Variants in GALNT7 observed in about 807,000 individuals in gnomAD.
The protein encoded by GALNT7 is N-acetylgalactosaminyltransferase 7.
GALNT7 carries 60 observed loss-of-function variants against 82.1 expected under a neutral mutation model. The observed-to-expected ratio is 0.73, with a 90% CI of 0.59 to 0.91. The LOEUF (loss-of-function observed/expected upper bound fraction) is 0.91. Ranked by LOEUF, GALNT7 falls within the 40% of genes least tolerant of loss-of-function variation. The probability of loss-of-function intolerance (pLI) is 0.00; values close to 1 mark genes in which losing one functional copy is unlikely to be tolerated. For synonymous variants in GALNT7, 243 were observed against 275.1 expected (o/e 0.88, Z 1.15); for missense variants, 660 against 804.2 (o/e 0.82, Z 2.17).
At chr4:173,291,335 C>T (rs1195273851) in intron 2 of GALNT7, among the ~76,000 whole-genome samples, 1 of 152,200 alleles carries the variant, frequency 6.6e-6, no homozygotes, top group Non-Finnish European at 1.5e-5. Context: ...CATCTTCCTA[C>T]AAGATCTGCT....
intron 6 of GALNT7, among the ~76,000 whole-genome samples, chr4:173,299,138 G>A (rs1736824003): frequency 6.6e-6 from 1 of 152,128 alleles, no homozygotes; most frequent in Middle Eastern, 3.2e-3. Flanking sequence ...TACACTGCTG[G>A]TGATGTTAGA....
chr4:173,181,828 A>C (rs1265885690), intron 1 of GALNT7, among the ~76,000 whole-genome samples: 1 of 152,198 alleles, frequency 6.6e-6, no homozygotes, highest in African/African-American at 2.4e-5. Context: ...CCAGTGTCCT[A>C]TTTGAAAATC....
At chr4:173,311,305 T>C (rs138207291) in intron 8 of GALNT7, among the ~76,000 whole-genome samples, 1 of 152,224 alleles carries the variant, frequency 6.6e-6, no homozygotes, top group Non-Finnish European at 1.5e-5. Context: ...CTAGAGTACA[T>C]GTACTGTGTC....
intron 1 of GALNT7, among the ~76,000 whole-genome samples, chr4:173,212,268 T>G (rs1733304242): frequency 6.6e-6 from 1 of 152,212 alleles, no homozygotes; most frequent in African/African-American, 2.4e-5. Flanking sequence ...CAATTAAATA[T>G]TTTCATAGTT....
intron 2 of GALNT7, among the ~76,000 whole-genome samples, chr4:173,280,599 CAA>C (rs1470724036): frequency 3.3e-5 from 5 of 152,268 alleles, no homozygotes; most frequent in African/African-American, 1.2e-4. Flanking sequence ...AGCAGTTCTA[CAA>C]TGTAGCTGAA....
chr4:173,184,621 A>C lies in GALNT7; in HGVS notation c.126+15660A>C, dbSNP rs190196736. On this transcript the variant is annotated intron_variant, in intron 1 of 11. Coordinates refer to ENST00000265000, the MANE Select transcript of GALNT7 (RefSeq NM_017423.3). The stretch of plus-strand genomic sequence containing the variant: ...GCTCGGCATCAGAGGGAGACCAGGG[A>C]GAGGGAGAGGGAGGGGGAGGGGGAG... Among the ~76,000 whole-genome samples the C allele has an allele frequency of 8.1e-3, 756 of 93,644 alleles. 13 individuals carry two copies. Among genetic ancestry groups the C allele is most frequent in the African/African-American group, 0.03 (715 of 24,016 alleles). The allele number at this position is 93,644 out of a possible 152,430, so 61.4% of individuals were successfully genotyped here. A position where few individuals can be genotyped will look rare whatever the true frequency, so the allele number is the denominator to read the frequency against.
intron 1 of GALNT7, among the ~76,000 whole-genome samples, chr4:173,171,878 A>G (rs1731887010): frequency 6.6e-6 from 1 of 152,214 alleles, no homozygotes; most frequent in Non-Finnish European, 1.5e-5. Context: ...AAATTGTGCT[A>G]CTGCTTTCAT....
chr4:173,179,208 A>T (rs150034515), intron 1 of GALNT7, among the ~76,000 whole-genome samples: 49 of 152,368 alleles, frequency 3.2e-4, no homozygotes, highest in African/African-American at 9.4e-4. Context: ...ATGTAAGTAT[A>T]TCTTAAATAG....
intron 1 of GALNT7, among the ~76,000 whole-genome samples, chr4:173,243,030 G>T (rs148658460): frequency 1.7e-4 from 26 of 152,254 alleles, no homozygotes; most frequent in African/African-American, 6.0e-4. Flanking sequence ...TCAAGCAGTG[G>T]CCCTTTCCTA....
intron 1 of GALNT7, among the ~76,000 whole-genome samples, chr4:173,224,146 T>A (rs1733726926): frequency 2.0e-5 from 3 of 152,240 alleles, no homozygotes; most frequent in South Asian, 4.1e-4. Flanking sequence ...TGTTGTTACA[T>A]CTACATTGAT....
intron 1 of GALNT7, among the ~76,000 whole-genome samples, chr4:173,206,474 A>T (rs72993792): frequency 6.6e-6 from 1 of 152,152 alleles, no homozygotes; most frequent in Admixed American, 6.5e-5. Flanking sequence ...ATCTGTCTCA[A>T]ATTGTCCCAG....
At chr4:173,203,449 C>T (rs962106386) in intron 1 of GALNT7, among the ~76,000 whole-genome samples, 1 of 152,158 alleles carries the variant, frequency 6.6e-6, no homozygotes, top group Non-Finnish European at 1.5e-5. Flanking sequence ...GAATTTAATC[C>T]ATTTACATTC....
intron 2 of GALNT7, among the ~76,000 whole-genome samples, chr4:173,261,931 GTTAA>G (rs1735280942): frequency 2.6e-5 from 4 of 151,888 alleles, no homozygotes; most frequent in Admixed American, 6.6e-5. Context: ...AATTTTAATC[GTTAA>G]TTCATTTAAG....
chr4:173,281,085 C>T (rs75419597), intron 2 of GALNT7, among the ~76,000 whole-genome samples: 3,560 of 152,268 alleles, frequency 0.023, 76 homozygotes, highest in African/African-American at 0.052. Flanking sequence ...CAGAGGGTCT[C>T]TTTTCCTCTC....
At chr4:173,264,401 T>C (rs572867056) in intron 2 of GALNT7, among the ~76,000 whole-genome samples, 1 of 152,334 alleles carries the variant, frequency 6.6e-6, no homozygotes, top group South Asian at 2.1e-4. Context: ...GTCTACACAC[T>C]GTGGTGTTGA....
At chr4:173,319,594 A>C (rs917214501) in intron 11 of GALNT7, among the ~76,000 whole-genome samples, 7 of 152,166 alleles carry the variant, frequency 4.6e-5, no homozygotes, top group Admixed American at 3.9e-4. Context: ...CAAAATAGTA[A>C]AAGAGGGCTA....
At position 173,318,431 on chromosome 4, in the gene GALNT7, C is replaced by G. The variant is rs1328901657; in HGVS notation, c.1708C>G (p.Leu570Val). ...GPCHRMGGNQ[L>V]FRINEANQLM... is the part of the protein sequence containing the mutation. ...TTAATTCTCTCTTTTCCTTTTACAG[C>G]TTTTCAGAATCAATGAAGCAAATCA... Residue 570 changes from leucine to valine, a missense_variant and splice_region_variant, in exon 11 of 12, where the codon CTT becomes GTT. Transcript: ENST00000265000. The G allele has an allele frequency of 6.2e-7, 1 of 1,600,288 alleles. No individual in the cohort carries two copies. The highest frequency in any genetic ancestry group is 8.5e-7 in the Non-Finnish European group (1 of 1,174,434).
chr4:173,248,459 C>T lies in GALNT7; in HGVS notation c.587+19C>T. ...AAGAAGAGTAAGCACACATCCTCTT[C>T]TTTCTAAAAATGGGGCAACTGTTGT... is the stretch of plus-strand genomic sequence containing the variant. On this transcript the variant is annotated intron_variant, in intron 2 of 11. Coordinates refer to ENST00000265000, the MANE Select transcript of GALNT7 (RefSeq NM_017423.3). 1 of 1,475,380 alleles carries T rather than the reference C, an allele frequency of 6.8e-7. No homozygotes were observed. Among genetic ancestry groups the T allele is most frequent in the Non-Finnish European group, 9.3e-7 (1 of 1,079,836 alleles). The allele number at this position is 1,475,380 out of a possible 1,614,324, so 91.4% of individuals were successfully genotyped here.
intron 1 of GALNT7, among the ~76,000 whole-genome samples, chr4:173,174,694 C>CTAG (rs910512270): frequency 4.6e-5 from 7 of 151,980 alleles, no homozygotes; most frequent in Non-Finnish European, 1.0e-4. Flanking sequence ...CTCTCACAAT[C>CTAG]TAGTTGGGGG....
Sources: allele counts gnomAD v4.1 joint callset (sites outside exome capture counted in the v4.1 genomes callset), GRCh38; gene constraint gnomAD v4.1.1; transcripts MANE v1.5; gene names NCBI Gene and HGNC (gene_info 2026-07-23, HGNC 2026-07-21).